NBPF11: variants seen among roughly 807,000 people sequenced by gnomAD.
The protein encoded by NBPF11 is NBPF family member NBPF11.
NBPF11 carries 72 observed loss-of-function variants against 93.9 expected under a neutral mutation model. The ratio of observed to expected loss-of-function variants is 0.77; its 90% CI spans 0.63 to 0.93. The LOEUF is 0.93. Ranked by LOEUF, NBPF11 falls within the 40% of genes least tolerant of loss-of-function variation. The probability of loss-of-function intolerance (pLI) is 0.00; values close to 1 mark genes in which losing one functional copy is unlikely to be tolerated. For synonymous variants in NBPF11, 224 were observed against 304.9 expected (o/e 0.73, Z 2.76); for missense variants, 705 against 802.2 (o/e 0.88, Z 1.46).
At chr1:148,125,096 A>T (rs1668793035) in intron 5 of NBPF11, 95 bp from the exon 6 acceptor site, 3 of 812,082 alleles carry the variant, frequency 3.7e-6, no homozygotes, top group African/African-American at 1.7e-5. Flanking sequence ...TCCCAAGGAC[A>T]AAACTCTCCC....
chr1:148,111,551 G>T (rs1665270088), intron 15 of NBPF11, among the ~76,000 whole-genome samples: 1 of 151,338 alleles, frequency 6.6e-6, no homozygotes, highest in Non-Finnish European at 1.5e-5. Flanking sequence ...GTGTAGAGAA[G>T]ACCTTAAATG....
intron 1 of NBPF11, chr1:148,149,495 G>C (rs1647713086): frequency 6.3e-7 from 1 of 1,592,798 alleles, no homozygotes; most frequent in South Asian, 1.1e-5. Flanking sequence ...CAACGACATC[G>C]AGCTCTACAG....
At chr1:148,146,870 A>G in intron 1 of NBPF11, 1 of 1,613,620 alleles carries the variant, frequency 6.2e-7, no homozygotes, top group Admixed American at 1.7e-5. Flanking sequence ...AGGCCTTCCG[A>G]GAGGAACCTC....
intron 11 of NBPF11, among the ~76,000 whole-genome samples, chr1:148,118,179 A>G (rs3992653): frequency 4.1e-5 from 6 of 146,896 alleles, no homozygotes; most frequent in South Asian, 2.2e-4. Context: ...AGATGCAGAT[A>G]GGGCGAATTG....
At chr1:148,121,210 A>G (rs1480189989) in intron 9 of NBPF11, among the ~76,000 whole-genome samples, 1 of 151,476 alleles carries the variant, frequency 6.6e-6, no homozygotes, top group African/African-American at 2.4e-5. Flanking sequence ...ATGACAGCTA[A>G]TTTTTGTATT....
intron 1 of NBPF11, among the ~76,000 whole-genome samples, chr1:148,146,073 G>A (rs1248927897): frequency 1.3e-5 from 2 of 152,020 alleles, no homozygotes; most frequent in Non-Finnish European, 2.9e-5. Context: ...TAGGGGCAGG[G>A]GTGCGGAGGG....
intron 17 of NBPF11, 101 bp downstream of exon 17, chr1:148,109,183 G>A: frequency 1.1e-6 from 1 of 944,438 alleles, no homozygotes; most frequent in Non-Finnish European, 1.7e-6. Flanking sequence ...AGACTTGTCT[G>A]ACAAGACAAA....
chr1:148,117,026 C>T (rs1172015133), intron 12 of NBPF11, among the ~76,000 whole-genome samples: 4 of 152,194 alleles, frequency 2.6e-5, no homozygotes, highest in Admixed American at 1.3e-4. Flanking sequence ...TGAAGCACTT[C>T]CTACCACAAA....
At position 148,103,738 on chromosome 1, in the gene NBPF11, A is replaced by G. The variant is rs1240540120; in HGVS notation, c.*158T>C. 7 of 1,611,546 alleles carry G rather than the reference A, an allele frequency of 4.3e-6. No homozygotes were observed. The highest frequency in any genetic ancestry group is 1.3e-5 in the African/African-American group (1 of 74,768). ...TTCTCACCGTCAAAGTAAAAAACCTATTGTCCATGTCAAGGGCAAAGCTGA... is the reference window on the plus strand; with the variant it reads ...TTCTCACCGTCAAAGTAAAAAACCTGTTGTCCATGTCAAGGGCAAAGCTGA... On this transcript the variant is annotated 3_prime_UTR_variant, in exon 24 of 24. Coordinates refer to ENST00000682118, the MANE Select transcript of NBPF11 (RefSeq NM_001385469.3).
In NBPF11 at chr1:148,103,418, T is replaced by C; in HGVS notation, c.*478A>G. 5.1e-6 allele frequency: 3 copies of C among 585,780 alleles called. No homozygotes were observed. The highest frequency in any genetic ancestry group is 1.9e-5 in the African/African-American group (1 of 53,056). The allele number at this position is 585,780 out of a possible 1,614,324, so 36.3% of individuals were successfully genotyped here. ...GCTACCCAGAGATACGTGGTTCAAA[T>C]TAAAATGTCCGACTGATCACTCCCG... On this transcript the variant is annotated 3_prime_UTR_variant, in exon 24 of 24. Transcript: ENST00000682118.
In NBPF11 at chr1:148,148,848, G is replaced by A. The variant is rs1647430973; in HGVS notation, c.-549+2902C>T. On this transcript the variant is annotated intron_variant, in intron 1 of 23. Transcript: ENST00000682118. ...TGCACCTAGGGGTGACCAGGAGGAG[G>A]AGAGGCGCCAGGGCCTCCCTTACCC... Among the ~76,000 whole-genome samples the A allele has an allele frequency of 2.6e-5, 4 of 151,852 alleles. 1 individual carries two copies. Among genetic ancestry groups the A allele is most frequent in the African/African-American group, 7.3e-5 (3 of 41,262 alleles).
At chr1:148,119,785 AG>A (rs1667410060) in intron 10 of NBPF11, among the ~76,000 whole-genome samples, 1 of 151,906 alleles carries the variant, frequency 6.6e-6, no homozygotes, top group African/African-American at 2.4e-5. Flanking sequence ...CCTCCTGAGC[AG>A]GGGTGATTAC....
intron 1 of NBPF11, among the ~76,000 whole-genome samples, chr1:148,145,094 C>A (rs1354405573): frequency 6.8e-6 from 1 of 147,732 alleles, no homozygotes; most frequent in Non-Finnish European, 1.5e-5. Flanking sequence ...CAGAGTAAGA[C>A]CCTGTCTGAA....
In NBPF11 at chr1:148,146,298, C is replaced by T. The variant is rs1322119273; in HGVS notation, c.-548-2612G>A. On this transcript the variant is annotated intron_variant, in intron 1 of 23. Transcript: ENST00000682118. ...CTGGGGGGGCGCTCTCCCCCCTGCC[C>T]GCGACTCGGAGCACCCCACCCCTCC... 7.4e-6 allele frequency: 10 copies of T among 1,347,768 alleles called. No homozygotes were observed. The Admixed American group carries it at 1.9e-4, about 26-fold the overall frequency. 83.5% of individuals were successfully genotyped at this position (1,347,768 alleles called of 1,614,324 possible).
rs1425152625 is a variant in NBPF11 at position 148,144,268 on chromosome 1, C to G, written c.-548-582G>C. On this transcript the variant is annotated intron_variant, in intron 1 of 23. Transcript: ENST00000682118. Reference sequence around the variant, plus strand: ...ACTGAGCTTTCACTAGGTTATGCTGCAGTAACAAAAGCCCCAAAATCTTAG... The same window carrying G: ...ACTGAGCTTTCACTAGGTTATGCTGGAGTAACAAAAGCCCCAAAATCTTAG... 2.7e-5 allele frequency among the ~76,000 whole-genome samples: 4 copies of G among 149,176 alleles called. No homozygotes were observed. The South Asian group carries it at 8.7e-4, about 32-fold the overall frequency.
In NBPF11 at chr1:148,124,914, T is replaced by A; in HGVS notation, c.263A>T (p.Gln88Leu). The A allele has an allele frequency of 6.2e-7, 1 of 1,610,144 alleles. No individual in the cohort carries two copies. Among genetic ancestry groups the A allele is most frequent in the Non-Finnish European group, 8.5e-7 (1 of 1,179,938 alleles). Reference sequence around the variant, plus strand: ...GTCCCCTCACCTGAGCTCCTCAGCTTGCTTGAGCTGCTCTGCAAGCTTCTC... The same window carrying A: ...GTCCCCTCACCTGAGCTCCTCAGCTAGCTTGAGCTGCTCTGCAAGCTTCTC... ...KEEKLAEQLK[Q>L]AEELRQYKVL... The change falls in exon 6 of 24, where the codon CAA (glutamine) becomes CTA (leucine). Residue 88 changes from glutamine to leucine, a missense_variant. This residue lies in a region of NBPF11 where 128 missense variants were observed against 112.8 expected (regional missense o/e 1.14). Transcript: ENST00000682118.
At chr1:148,145,408 C>T (rs1158224267) in intron 1 of NBPF11, among the ~76,000 whole-genome samples, 1 of 140,034 alleles carries the variant, frequency 7.1e-6, no homozygotes, top group Non-Finnish European at 1.5e-5. Flanking sequence ...GACGGGGTTT[C>T]ACCATGTTGG....
At position 148,149,561 on chromosome 1, in the gene NBPF11, G is replaced by A. The variant is rs1443798535; in HGVS notation, c.-549+2189C>T. On this transcript the variant is annotated intron_variant, in intron 1 of 23. Transcript: ENST00000682118. The stretch of plus-strand genomic sequence containing the variant: ...CTCCCAGGAGCTGCCCAGCCAGCGC[G>A]CCTAGCGGCGGCCCCAACCAGCCGG... The A allele has an allele frequency of 1.0e-5, 16 of 1,593,968 alleles. No homozygotes were observed. The East Asian group carries it at 1.6e-4, about 16-fold the overall frequency.
intron 7 of NBPF11, among the ~76,000 whole-genome samples, chr1:148,123,126 G>C (rs1431032010): frequency 1.3e-5 from 2 of 152,030 alleles, no homozygotes; most frequent in Admixed American, 1.3e-4. Flanking sequence ...CCAGGAACAG[G>C]CTTGGTGTCC....
Sources: allele counts gnomAD v4.1 joint callset (sites outside exome capture counted in the v4.1 genomes callset), GRCh38; gene constraint gnomAD v4.1.1; regional missense constraint gnomAD v4.1.1; transcripts MANE v1.5; gene names NCBI Gene and HGNC (gene_info 2026-07-23, HGNC 2026-07-21).